The following AKNA variants were observed in gnomAD, a reference collection of about 807,000 sequenced individuals.
The protein encoded by AKNA is AT-hook transcription factor, also known as microtubule organization protein AKNA.
AKNA carries 67 observed loss-of-function variants against 138.8 expected under a neutral mutation model. The observed-to-expected ratio is 0.48, with a 90% CI of 0.40 to 0.59. AKNA has a LOEUF of 0.59. Ranked by LOEUF, AKNA falls within the 20% of genes least tolerant of loss-of-function variation. The pLI is 0.00. For synonymous variants in AKNA, 737 were observed against 754.4 expected (o/e 0.98, Z 0.38); for missense variants, 1,813 against 1,880.4 (o/e 0.96, Z 0.66).
chr9:114,372,157 T>C (rs1016425102), intron 4 of AKNA, among the ~76,000 whole-genome samples: 2 of 152,184 alleles, frequency 1.3e-5, no homozygotes, highest in African/African-American at 4.8e-5. Flanking sequence ...GTGCTCACAC[T>C]TCTTGAGGCT....
chr9:114,369,195 GAGCAGT>G (rs1564644756), intron 4 of AKNA, among the ~76,000 whole-genome samples: 1 of 152,222 alleles, frequency 6.6e-6, no homozygotes, highest in Non-Finnish European at 1.5e-5. Flanking sequence ...GTTGGTGAGG[GAGCAGT>G]CTGGAGTCAG....
upstream of AKNA, chr9:114,388,199 G>A (rs544221593): frequency 5.6e-5 from 12 of 214,816 alleles, no homozygotes; most frequent in East Asian, 1.2e-3. Context: ...AAAGGACTCA[G>A]GGAACAAACT....
At chr9:114,331,963 T>C, downstream of AKNA, 1 of 1,592,002 alleles carries the variant, frequency 6.3e-7, no homozygotes, top group Non-Finnish European at 8.6e-7. Context: ...GCCCACCTTG[T>C]CCATGGCCCA....
chr9:114,331,111 G>A (rs1829843529), downstream of AKNA, among the ~76,000 whole-genome samples: 1 of 152,056 alleles, frequency 6.6e-6, no homozygotes, highest in African/African-American at 2.4e-5. Flanking sequence ...AACTAGAATT[G>A]GAACTCCAGG....
rs201466935 is a variant in AKNA at position 114,367,661 on chromosome 9, G to A, written c.1610C>T (p.Ser537Leu). The A allele has an allele frequency of 4.9e-5, 78 of 1,596,052 alleles. No homozygotes were observed. The African/African-American group carries it at 8.6e-4, about 18-fold the overall frequency. The stretch of plus-strand genomic sequence containing the variant: ...CCCCAGGGTGGGCATGCTGGTAAGC[G>A]AGGAGGGGCTCAAGTCTCCTCGAGC... ...PSARGDLSPS[S>L]LTSMPTLGWL... Residue 537 changes from serine to leucine, a missense_variant, in exon 6 of 22, where the codon TCG (serine) becomes TTG (leucine). Ser to Leu is a moderately radical substitution (Grantham distance 145). Coordinates refer to ENST00000374088, the MANE Select transcript of AKNA (RefSeq NM_001317950.2).
At chr9:114,379,071 T>G (rs935750474) in intron 2 of AKNA, among the ~76,000 whole-genome samples, 3 of 152,232 alleles carry the variant, frequency 2.0e-5, no homozygotes, top group Admixed American at 1.3e-4. Context: ...TTGCCAAAGA[T>G]CACCCAGTGG....
rs768042275 is a variant in AKNA at position 114,381,142 on chromosome 9, C to A, written c.192G>T (p.Gln64His). The A allele has an allele frequency of 1.2e-6, 2 of 1,613,248 alleles. No individual in the cohort carries two copies. The highest frequency in any genetic ancestry group is 1.3e-5 in the African/African-American group (1 of 74,446). ...GGTCCCACTCCAGGGGCGGCAGGTG[C>A]TGCTGGGCCAGGCGGAAGTCCTCTA... Reference protein sequence around the residue: ...ELLEDFRLAQQHLPPLEWDPH... With the variant: ...ELLEDFRLAQHHLPPLEWDPH... The change falls in exon 2 of 22, where the codon CAG becomes CAT. Residue 64 changes from glutamine (Q) to histidine (H), a missense_variant. Gln to His is a conservative substitution (Grantham distance 24). Transcript: ENST00000374088.
chr9:114,373,560 C>G (rs1483215206), intron 4 of AKNA, among the ~76,000 whole-genome samples: 2 of 152,030 alleles, frequency 1.3e-5, no homozygotes, highest in African/African-American at 2.4e-5. Flanking sequence ...TACTCCAGAA[C>G]CCATCTAGAA....
intron 16 of AKNA, among the ~76,000 whole-genome samples, 183 bp downstream of exon 16, chr9:114,347,541 T>A (rs1286813897): frequency 6.6e-6 from 1 of 152,082 alleles, no homozygotes; most frequent in East Asian, 1.9e-4. Context: ...AACATAGAGG[T>A]TTATATATTC....
intron 2 of AKNA, among the ~76,000 whole-genome samples, chr9:114,380,792 G>C (rs920946587): frequency 2.0e-5 from 3 of 146,608 alleles, no homozygotes; most frequent in African/African-American, 5.1e-5. Context: ...TGGCCAACAT[G>C]GTGAAACCCC....
chr9:114,372,309 T>C (rs988540113), intron 4 of AKNA, among the ~76,000 whole-genome samples: 1 of 152,010 alleles, frequency 6.6e-6, no homozygotes, highest in African/African-American at 2.4e-5. Flanking sequence ...GTCTGGGTGC[T>C]GGCCAGGGCA....
intron 15 of AKNA, 98 bp downstream of exon 15, chr9:114,350,761 G>C: frequency 7.3e-7 from 1 of 1,363,754 alleles, no homozygotes. Flanking sequence ...CCATCTGTGT[G>C]AGCTGGGCAG....
chr9:114,374,046 T>C (rs998826268), intron 4 of AKNA, 47 bp downstream of exon 4: 3 of 1,540,274 alleles, frequency 1.9e-6, no homozygotes, highest in Non-Finnish European at 2.6e-6. Flanking sequence ...AAGTGTCACC[T>C]CCTCGGGGAC....
chr9:114,396,311 C>T (rs924030939), upstream of AKNA, among the ~76,000 whole-genome samples: 1 of 152,120 alleles, frequency 6.6e-6, no homozygotes, highest in Admixed American at 6.6e-5. Flanking sequence ...TTTCTTTGAG[C>T]CTCAGTTTCC....
chr9:114,369,206 A>G (rs1832590359), intron 4 of AKNA, among the ~76,000 whole-genome samples: 1 of 152,238 alleles, frequency 6.6e-6, no homozygotes, highest in African/African-American at 2.4e-5. Context: ...AGCAGTCTGG[A>G]GTCAGGCAGG....
chr9:114,393,048 A>T (rs1834407127), intron 1 of AKNA, among the ~76,000 whole-genome samples: 1 of 152,198 alleles, frequency 6.6e-6, no homozygotes, highest in Admixed American at 6.5e-5. Flanking sequence ...AACTATACTG[A>T]ACACCTATTA....
chr9:114,379,609 C>A, intron 2 of AKNA, among the ~76,000 whole-genome samples: 1 of 152,212 alleles, frequency 6.6e-6, no homozygotes, highest in Non-Finnish European at 1.5e-5. Flanking sequence ...CTGCGGGAGT[C>A]ACAGGACCCT....
chr9:114,357,016 A>G (rs1287305493), intron 12 of AKNA, 47 bp from the exon 13 acceptor site: 2 of 1,524,860 alleles, frequency 1.3e-6, no homozygotes, highest in East Asian at 2.6e-5. Context: ...TGTCCAAGGC[A>G]CACTGGGAAG....
chr9:114,390,757 A>G (rs1272739367), upstream of AKNA, among the ~76,000 whole-genome samples: 2 of 152,216 alleles, frequency 1.3e-5, no homozygotes, highest in East Asian at 3.8e-4. Flanking sequence ...TGCTCCTGCC[A>G]TACAGGCCTC....
Sources: allele counts gnomAD v4.1 joint callset (sites outside exome capture counted in the v4.1 genomes callset), GRCh38; gene constraint gnomAD v4.1.1; transcripts MANE v1.5; gene names NCBI Gene and HGNC (gene_info 2026-07-23, HGNC 2026-07-21).